The following EBF1 variants were observed in gnomAD, a reference collection of about 807,000 sequenced individuals.
EBF1 encodes EBF transcription factor 1, also known as transcription factor COE1.
Under a neutral mutation model 68.4 loss-of-function variants are expected in EBF1, and 10 were observed. The ratio of observed to expected loss-of-function variants is 0.15; its 90% CI spans 0.09 to 0.25. The LOEUF is 0.25. Among genes scored for constraint, EBF1 ranks in the 10% least tolerant of loss-of-function variants. The pLI is 1.00. For synonymous variants in EBF1, 298 were observed against 299.8 expected, an observed-to-expected ratio of 0.99 and a Z score of 0.06; for missense variants, 509 against 794.4, an observed-to-expected ratio of 0.64 and a Z score of 4.32.
At chr5:158,769,615 T>C (rs1372579555) in intron 10 of EBF1, among the ~76,000 whole-genome samples, 1 of 152,170 alleles carries the variant, frequency 6.6e-6, no homozygotes, top group Non-Finnish European at 1.5e-5. Context: ...TTGTTGTTGT[T>C]GTTGTTCTCA....
At chr5:159,007,414 G>C (rs886712789) in intron 6 of EBF1, among the ~76,000 whole-genome samples, 2 of 152,176 alleles carry the variant, frequency 1.3e-5, no homozygotes, top group Non-Finnish European at 2.9e-5. Context: ...TTGGATGACT[G>C]TTTATATGTT....
chr5:158,970,419 G>A (rs951818411), intron 6 of EBF1, among the ~76,000 whole-genome samples: 3 of 152,168 alleles, frequency 2.0e-5, no homozygotes, highest in Non-Finnish European at 4.4e-5. Flanking sequence ...GAGTGTTTAT[G>A]CCAAATTACA....
intron 6 of EBF1, among the ~76,000 whole-genome samples, chr5:158,973,472 C>G (rs1446633776): frequency 1.3e-5 from 2 of 152,096 alleles, no homozygotes; most frequent in African/African-American, 4.8e-5. Context: ...CCAACACACA[C>G]ACACACACAC....
chr5:158,960,767 C>T (rs1818021177), intron 6 of EBF1, among the ~76,000 whole-genome samples: 1 of 152,182 alleles, frequency 6.6e-6, no homozygotes, highest in East Asian at 1.9e-4. Context: ...TGTTTGCTCT[C>T]TGTAGGCTCA....
At chr5:158,782,334 A>G (rs1263037735) in intron 9 of EBF1, among the ~76,000 whole-genome samples, 2 of 152,180 alleles carry the variant, frequency 1.3e-5, no homozygotes, top group African/African-American at 4.8e-5. Context: ...GAGATCAGGA[A>G]CACAGTCTAA....
At chr5:158,945,928 A>G (rs1054723535) in intron 6 of EBF1, among the ~76,000 whole-genome samples, 2 of 152,090 alleles carry the variant, frequency 1.3e-5, no homozygotes, top group Non-Finnish European at 2.9e-5. Flanking sequence ...TATTTCATTA[A>G]GTTGATCTTC....
chr5:159,003,641 T>G (rs1488205147), intron 6 of EBF1, among the ~76,000 whole-genome samples: 2 of 152,226 alleles, frequency 1.3e-5, no homozygotes, highest in Non-Finnish European at 2.9e-5. Flanking sequence ...AATGTTCTAA[T>G]TCTTAGCAAT....
intron 10 of EBF1, among the ~76,000 whole-genome samples, chr5:158,757,038 A>T (rs1339050672): frequency 6.6e-6 from 1 of 151,858 alleles, no homozygotes; most frequent in Non-Finnish European, 1.5e-5. Flanking sequence ...CACCCTTCAC[A>T]GGCTGAGCCA....
chr5:158,845,529 T>C lies in EBF1; in HGVS notation c.555-5419A>G, dbSNP rs138767211. On this transcript the variant is annotated intron_variant, in intron 6 of 15. Transcript: ENST00000313708. ...ATAGTACCTGCCATAGAGGAAGTGATAATTATTTTCTTCATCATTTATCCC... is the reference window on the plus strand; with the variant it reads ...ATAGTACCTGCCATAGAGGAAGTGACAATTATTTTCTTCATCATTTATCCC... Among the ~76,000 whole-genome samples the C allele has an allele frequency of 8.6e-3, 1,305 of 152,228 alleles. 26 individuals carry two copies. The highest frequency in any genetic ancestry group is 0.03 in the African/African-American group (1,239 of 41,532).
At chr5:158,703,043 A>C (rs1175826282) in intron 15 of EBF1, among the ~76,000 whole-genome samples, 1 of 152,166 alleles carries the variant, frequency 6.6e-6, no homozygotes, top group African/African-American at 2.4e-5. Flanking sequence ...GTTTAGAATC[A>C]CTACATCAGC....
chr5:158,927,094 A>T (rs1056526558), intron 6 of EBF1, among the ~76,000 whole-genome samples: 4 of 152,242 alleles, frequency 2.6e-5, no homozygotes, highest in Admixed American at 1.3e-4. Context: ...GAGAAGATGC[A>T]TAAAAAGATT....
chr5:158,785,847 C>T (rs1486741747), intron 9 of EBF1, among the ~76,000 whole-genome samples: 3 of 152,110 alleles, frequency 2.0e-5, no homozygotes, highest in South Asian at 2.1e-4. Context: ...GACATAGACT[C>T]AGATGGATGG....
intron 6 of EBF1, among the ~76,000 whole-genome samples, chr5:158,874,985 T>A (rs1343494190): frequency 6.6e-6 from 1 of 151,658 alleles, no homozygotes; most frequent in East Asian, 1.9e-4. Flanking sequence ...GCATGAATAT[T>A]TTATGAAGGC....
chr5:158,808,730 G>T (rs957626327), intron 8 of EBF1, among the ~76,000 whole-genome samples: 1 of 152,162 alleles, frequency 6.6e-6, no homozygotes, highest in Non-Finnish European at 1.5e-5. Context: ...AGAGGAGGAG[G>T]AAGAAGAGAA....
chr5:158,872,996 ATTTTT>A (rs539493620), intron 6 of EBF1, among the ~76,000 whole-genome samples: 2 of 81,102 alleles, frequency 2.5e-5, no homozygotes, highest in Non-Finnish European at 4.5e-5. Flanking sequence ...AATGACACTA[ATTTTT>A]TTTTTTTTTT....
intron 9 of EBF1, among the ~76,000 whole-genome samples, chr5:158,778,139 G>A (rs945423550): frequency 2.0e-5 from 3 of 152,134 alleles, no homozygotes; most frequent in African/African-American, 7.2e-5. Flanking sequence ...AAGGGAAAGG[G>A]AAGGCTGGGG....
chr5:158,756,300 G>A (rs933303451), intron 10 of EBF1, among the ~76,000 whole-genome samples: 10 of 151,810 alleles, frequency 6.6e-5, no homozygotes, highest in South Asian at 2.1e-4. Context: ...AGACTATAGC[G>A]TGTTTCCCAG....
At chr5:158,878,969 C>T (rs2128083982) in intron 6 of EBF1, among the ~76,000 whole-genome samples, 1 of 152,222 alleles carries the variant, frequency 6.6e-6, no homozygotes, top group South Asian at 2.1e-4. Flanking sequence ...AATTTGTTTA[C>T]ACAGTCCTAA....
At chr5:158,748,005 A>G (rs1767976449) in intron 10 of EBF1, among the ~76,000 whole-genome samples, 1 of 152,198 alleles carries the variant, frequency 6.6e-6, no homozygotes, top group Admixed American at 6.5e-5. Context: ...GCATTTAGCT[A>G]ATACATTGGA....
Sources: gnomAD v4.1 joint callset for allele counts (sites outside exome capture counted in the v4.1 genomes callset) on GRCh38, gnomAD v4.1.1 for gene constraint, MANE v1.5 for transcripts, NCBI Gene and HGNC (gene_info 2026-07-23, HGNC 2026-07-21) for gene names.